POU3F3: variants seen among roughly 807,000 people sequenced by gnomAD.
POU3F3 encodes POU domain, class 3, transcription factor 3.
POU3F3 carries 1 observed loss-of-function variant against 8.6 expected under a neutral mutation model. The observed-to-expected ratio is 0.12, with a 90% CI of 0.04 to 0.55. The LOEUF (loss-of-function observed/expected upper bound fraction) is 0.55. Ranked by LOEUF, POU3F3 falls within the 20% of genes least tolerant of loss-of-function variation. The pLI is 0.91. For missense variants in POU3F3, 577 were observed against 690.7 expected (o/e 0.84, Z 1.84); for synonymous variants, 418 against 327.4 (o/e 1.28, Z -2.99).
chr2:104,874,791 G>T, the POU3F3 span, among the ~76,000 whole-genome samples: 20 of 152,286 alleles, frequency 1.3e-4, no homozygotes, highest in Middle Eastern at 3.4e-3. Flanking sequence ...GGTAGAACAC[G>T]ATGTCAGATG....
the POU3F3 span, among the ~76,000 whole-genome samples, chr2:104,891,886 A>T: frequency 6.6e-6 from 1 of 152,328 alleles, no homozygotes; most frequent in Non-Finnish European, 1.5e-5. Context: ...GGCACAAACC[A>T]TCTGAGTTTT....
chr2:104,920,382 C>T, the POU3F3 span, among the ~76,000 whole-genome samples: 1 of 152,170 alleles, frequency 6.6e-6, no homozygotes, highest in African/African-American at 2.4e-5. Context: ...GAGTTCTGCC[C>T]TTTGAAGCAC....
At position 104,855,451 on chromosome 2, in the gene POU3F3, G is replaced by C. The variant is rs1489485208; in HGVS notation, c.-60G>C. The C allele has an allele frequency of 4.6e-6, 4 of 873,748 alleles. No homozygotes were observed. In the East Asian group the frequency reaches 5.2e-4, roughly 114 times the overall value. 54.1% of individuals were successfully genotyped at this position (873,748 alleles called of 1,614,324 possible). ...GGCGGCGGCGGCGGCGGCGGCCGCG[G>C]CTGCTGCTGCGGCGGCGGCGGCGGT... On this transcript the variant is annotated 5_prime_UTR_variant, in exon 1 of 1. Transcript: ENST00000361360.
the POU3F3 span, among the ~76,000 whole-genome samples, chr2:104,915,338 A>G: frequency 2.6e-5 from 4 of 152,266 alleles, no homozygotes; most frequent in East Asian, 5.8e-4. Context: ...AAGTTCAACC[A>G]TGTCAGGTTG....
At position 104,855,519 on chromosome 2, in the gene POU3F3, G is replaced by A. The variant is rs942724368; in HGVS notation, c.9G>A (p.Thr3=). 3.3e-5 allele frequency: 34 copies of A among 1,023,446 alleles called. No homozygotes were observed. The highest frequency in any genetic ancestry group is 3.9e-5 in the Non-Finnish European group (33 of 852,060). 63.4% of individuals were successfully genotyped at this position (1,023,446 alleles called of 1,614,324 possible). The change falls in exon 1 of 1, where the codon ACG becomes ACA. Residue 3 remains threonine (T), a synonymous_variant. Coordinates refer to ENST00000361360, the MANE Select transcript of POU3F3 (RefSeq NM_006236.3). ...GGCGGGAGCGGAGCGGCATGGCCACGGCGGCTTCTAACCCCTACCTGCCGG... is the reference window on the plus strand; with the variant it reads ...GGCGGGAGCGGAGCGGCATGGCCACAGCGGCTTCTAACCCCTACCTGCCGG... MA[T]AASNPYLPGN...
downstream of POU3F3, among the ~76,000 whole-genome samples, chr2:104,861,070 T>C (rs1676650449): frequency 6.6e-6 from 1 of 152,188 alleles, no homozygotes. Context: ...AAAGCAACAA[T>C]ATATTGTTGT....
chr2:104,876,063 T>C, the POU3F3 span, among the ~76,000 whole-genome samples: 1 of 152,110 alleles, frequency 6.6e-6, no homozygotes, highest in African/African-American at 2.4e-5. Flanking sequence ...GGAAGAGAAA[T>C]GACAAAAATG....
the POU3F3 span, among the ~76,000 whole-genome samples, chr2:104,868,640 GC>G: frequency 6.6e-6 from 1 of 152,252 alleles, no homozygotes; most frequent in East Asian, 1.9e-4. Flanking sequence ...ACTGGGGTGG[GC>G]TAGGGCTTCC....
At chr2:104,872,500 C>T in the POU3F3 span, 3 of 381,002 alleles carry the variant, frequency 7.9e-6, no homozygotes, top group South Asian at 3.9e-5. This position sits in a 1 kb window ranked among gnomAD's most constrained non-coding sequence, Gnocchi z 4.6. Flanking sequence ...CCCTCCCGTT[C>T]CCAGCCCCTC....
rs542802090 is a variant in POU3F3 at position 104,856,229 on chromosome 2, C to CCGGCGG, written c.734_739dup (p.Gly245_Gly246dup). Reference sequence around the variant, plus strand: ...GGCATGCTGAGCGCGCCACCGGGGCCCGGCGGCGGCGGCGGCGGCGCGGGC... The same window carrying CCGGCGG: ...GGCATGCTGAGCGCGCCACCGGGGCCCGGCGGCGGCGGCGGCGGCGGCGGCGCGGGC... On this transcript the variant is annotated inframe_insertion, in exon 1 of 1. Transcript: ENST00000361360. 17 of 1,270,398 alleles carry CCGGCGG rather than the reference C, an allele frequency of 1.3e-5. No individual in the cohort carries two copies. Among genetic ancestry groups the CCGGCGG allele is most frequent in the East Asian group, 3.2e-5 (1 of 30,812 alleles). The allele number at this position is 1,270,398 out of a possible 1,614,324, so 78.7% of individuals were successfully genotyped here. A position where few individuals can be genotyped will look rare whatever the true frequency, so the allele number is the denominator to read the frequency against.
At chr2:104,858,868 C>T (rs977880056), downstream of POU3F3, among the ~76,000 whole-genome samples, 1 of 152,078 alleles carries the variant, frequency 6.6e-6, no homozygotes, top group Non-Finnish European at 1.5e-5. Context: ...CTTTTCTTGG[C>T]GATACCTGTG....
At chr2:104,924,024 TA>T in the POU3F3 span, among the ~76,000 whole-genome samples, 2 of 152,178 alleles carry the variant, frequency 1.3e-5, no homozygotes, top group East Asian at 1.9e-4. Context: ...GTTTAACGGA[TA>T]CAGAGTTTCA....
chr2:104,872,230 G>A, the POU3F3 span: 1 of 456,518 alleles, frequency 2.2e-6, no homozygotes, highest in East Asian at 7.0e-5. This position sits in a 1 kb window ranked among gnomAD's most constrained non-coding sequence, Gnocchi z 4.6. Flanking sequence ...TCCGCTCCCC[G>A]GCGTTCTGGA....
Position 104,857,096 on chromosome 2 carries a change from CGCCGCCGCCGCCGCCGCCGCT to C in POU3F3, c.*95_*115del, listed in dbSNP as rs980147001. The stretch of plus-strand genomic sequence containing the variant: ...GCACCGCCGCCGCCCCTGCCGCCGC[CGCCGCCGCCGCCGCCGCCGCT>C]GCCGCCGCCGCGCCGACCCTGCACC... On this transcript the variant is annotated 3_prime_UTR_variant, in exon 1 of 1. Coordinates refer to ENST00000361360, the MANE Select transcript of POU3F3 (RefSeq NM_006236.3). 33 of 973,008 alleles carry C rather than the reference CGCCGCCGCCGCCGCCGCCGCT, an allele frequency of 3.4e-5. No homozygotes were observed. Among genetic ancestry groups the C allele is most frequent in the African/African-American group, 2.8e-4 (16 of 56,224 alleles). The allele number at this position is 973,008 out of a possible 1,614,324, so 60.3% of individuals were successfully genotyped here.
chr2:104,918,924 T>C, the POU3F3 span, among the ~76,000 whole-genome samples: 3 of 146,600 alleles, frequency 2.0e-5, no homozygotes, highest in Non-Finnish European at 4.5e-5. Context: ...CAGGCTGGAG[T>C]GCAATGGCAT....
the POU3F3 span, among the ~76,000 whole-genome samples, chr2:104,895,388 C>T: frequency 6.6e-6 from 1 of 152,148 alleles, no homozygotes; most frequent in Non-Finnish European, 1.5e-5. Flanking sequence ...TTGCTTTCTA[C>T]CTTATGGTTG....
At chr2:104,861,124 C>A (rs901508527), downstream of POU3F3, among the ~76,000 whole-genome samples, 3 of 151,990 alleles carry the variant, frequency 2.0e-5, no homozygotes, top group African/African-American at 7.2e-5. Context: ...CCTCTTCAAG[C>A]TAAATCAAAA....
the POU3F3 span, among the ~76,000 whole-genome samples, chr2:104,885,936 A>G: frequency 6.6e-6 from 1 of 151,922 alleles, no homozygotes; most frequent in South Asian, 2.1e-4. Flanking sequence ...AGCTGGGATT[A>G]CAGGTGCCTG....
the POU3F3 span, among the ~76,000 whole-genome samples, chr2:104,915,243 G>C: frequency 6.6e-6 from 1 of 152,204 alleles, no homozygotes; most frequent in Non-Finnish European, 1.5e-5. Flanking sequence ...GTTTCAGGTA[G>C]TTGACAATGT....
Sources: gnomAD v4.1 joint callset for allele counts (sites outside exome capture counted in the v4.1 genomes callset) on GRCh38, gnomAD v4.1.1 for gene constraint, Gnocchi (gnomAD v3.1) non-coding constraint, MANE v1.5 for transcripts, NCBI Gene and HGNC (gene_info 2026-07-23, HGNC 2026-07-21) for gene names.